The following PIP5K1A variants were observed in gnomAD, a reference collection of about 807,000 sequenced individuals.
The protein encoded by PIP5K1A is phosphatidylinositol 4-phosphate 5-kinase type-1 alpha.
In PIP5K1A, 46 loss-of-function variants were observed where a neutral mutation model predicts 72.9. The ratio of observed to expected loss-of-function variants is 0.63; its 90% CI spans 0.50 to 0.81. PIP5K1A has a LOEUF of 0.81. Ranked by LOEUF, PIP5K1A falls within the 30% of genes least tolerant of loss-of-function variation. The probability of loss-of-function intolerance (pLI) is 0.00; values close to 1 mark genes in which losing one functional copy is unlikely to be tolerated. For synonymous variants in PIP5K1A, 228 were observed against 255.1 expected (o/e 0.89, Z 1.01); for missense variants, 458 against 706.1 (o/e 0.65, Z 3.98).
chr1:151,234,133 TG>T, intron 7 of PIP5K1A, 63 bp from the exon 8 acceptor site: 1 of 1,281,060 alleles, frequency 7.8e-7, no homozygotes, highest in Non-Finnish European at 1.1e-6. Context: ...TAACTTTTAC[TG>T]GTGAGTTTCA....
chr1:151,246,901 A>T lies in PIP5K1A; in HGVS notation c.1641-19A>T. On this transcript the variant is annotated intron_variant, in intron 14 of 15. Transcript: ENST00000368888. ...TCTAATTCTTTTTCTCTCTGCTTCC[A>T]TTTTTTTTCTCCTGTTAGTACAACC... 2 of 1,598,446 alleles carry T rather than the reference A, an allele frequency of 1.3e-6. No homozygotes were observed. The highest frequency in any genetic ancestry group is 1.7e-6 in the Non-Finnish European group (2 of 1,166,824).
At chr1:151,199,613 C>CCAA (rs1325733963) in intron 1 of PIP5K1A, among the ~76,000 whole-genome samples, 2 of 86,992 alleles carry the variant, frequency 2.3e-5, no homozygotes, top group Non-Finnish European at 4.9e-5. Flanking sequence ...GACCCTGTCT[C>CCAA]AAAAAAAAAA....
At chr1:151,216,902 T>TTTG (rs1687720910) in intron 1 of PIP5K1A, among the ~76,000 whole-genome samples, 2 of 5,640 alleles carry the variant, frequency 3.5e-4, no homozygotes, top group African/African-American at 1.1e-3. Flanking sequence ...TAGTAAATGT[T>TTTG]TTTTTTTTTT....
intron 1 of PIP5K1A, among the ~76,000 whole-genome samples, chr1:151,214,791 A>G (rs1341795524): frequency 3.3e-5 from 5 of 152,172 alleles, no homozygotes; most frequent in African/African-American, 1.2e-4. Context: ...ATCTTGGCTC[A>G]CTGCAACCTC....
intron 12 of PIP5K1A, among the ~76,000 whole-genome samples, chr1:151,240,555 C>G (rs61817981): frequency 0.022 from 3,360 of 152,326 alleles, 63 homozygotes; most frequent in Non-Finnish European, 0.034. Context: ...TCTAGCTTCT[C>G]TTTCCCTTCT....
Position 151,198,637 on chromosome 1 carries a change from G to A in PIP5K1A, c.-360G>A. ...TAGGAAGGACGGAGAAGGGGCGTTC[G>A]CTCCTTTGGGACTTTTCATGCCTCG... is the stretch of plus-strand genomic sequence containing the variant. On this transcript the variant is annotated 5_prime_UTR_variant, in exon 1 of 16. Coordinates refer to ENST00000368888, the MANE Select transcript of PIP5K1A (RefSeq NM_001135638.2). 3.8e-6 allele frequency: 1 copy of A among 261,232 alleles called. No individual in the cohort carries two copies. The highest frequency in any genetic ancestry group is 7.5e-6 in the Non-Finnish European group (1 of 134,216). The allele number at this position is 261,232 out of a possible 1,614,324, so 16.2% of individuals were successfully genotyped here.
Position 151,227,570 on chromosome 1 carries a change from C to A in PIP5K1A, c.237+170C>A, listed in dbSNP as rs908242213. On this transcript the variant is annotated intron_variant, in intron 4 of 15. Coordinates refer to ENST00000368888, the MANE Select transcript of PIP5K1A (RefSeq NM_001135638.2). ...ATTTATTTCTCAAAGGGTAAATTGT[C>A]TCCTTTTTGTATATGAATGTTTAAA... Among the ~76,000 whole-genome samples the A allele has an allele frequency of 2.0e-5, 3 of 152,192 alleles. No homozygotes were observed. In the East Asian group the frequency reaches 5.8e-4, roughly 29 times the overall value.
At chr1:151,244,679 A>G (rs1692238352) in intron 14 of PIP5K1A, among the ~76,000 whole-genome samples, 1 of 152,128 alleles carries the variant, frequency 6.6e-6, no homozygotes, top group Non-Finnish European at 1.5e-5. Flanking sequence ...ATAAAAATAA[A>G]GTATATGGAG....
chr1:151,230,098 A>G (rs1689824386), intron 4 of PIP5K1A, among the ~76,000 whole-genome samples: 1 of 152,186 alleles, frequency 6.6e-6, no homozygotes, highest in South Asian at 2.1e-4. Flanking sequence ...AAGAAAAAAA[A>G]AACAAAAAAC....
chr1:151,236,336 TGTA>T (rs1420628538), intron 8 of PIP5K1A, among the ~76,000 whole-genome samples: 1 of 151,478 alleles, frequency 6.6e-6, no homozygotes, highest in Non-Finnish European at 1.5e-5. Context: ...ATTAGGCAGG[TGTA>T]GTGGTGTGTG....
intron 1 of PIP5K1A, among the ~76,000 whole-genome samples, chr1:151,219,999 T>C (rs758177480): frequency 1.3e-5 from 2 of 151,726 alleles, no homozygotes; most frequent in Non-Finnish European, 2.9e-5. Flanking sequence ...TGCCTGTCTC[T>C]GTTTCTATTT....
chr1:151,232,060 T>C (rs1038032687), intron 5 of PIP5K1A, among the ~76,000 whole-genome samples, 188 bp from the exon 6 acceptor site: 12 of 152,150 alleles, frequency 7.9e-5, no homozygotes, highest in African/African-American at 2.7e-4. Context: ...TTTCTTCTTC[T>C]TCTTATGTCT....
At chr1:151,200,812 GTATTTATTTATTTATT>G in intron 1 of PIP5K1A, among the ~76,000 whole-genome samples, 1 of 149,452 alleles carries the variant, frequency 6.7e-6, no homozygotes, top group East Asian at 2.0e-4. Flanking sequence ...AAGTGACAGG[GTATTTATTTATTTATT>G]TATTTATTTA....
intron 1 of PIP5K1A, among the ~76,000 whole-genome samples, chr1:151,209,713 AC>A (rs1686513808): frequency 6.6e-6 from 1 of 151,718 alleles, no homozygotes; most frequent in South Asian, 2.1e-4. Context: ...TGCTGGGATT[AC>A]AGGTGTGAGC....
At chr1:151,224,217 C>G (rs746542422) in intron 1 of PIP5K1A, 28 bp from the exon 2 acceptor site, 2 of 1,605,664 alleles carry the variant, frequency 1.2e-6, no homozygotes, top group Admixed American at 3.3e-5. Flanking sequence ...GTGATACACT[C>G]TTATGATTGT....
rs1352560592 is a variant in PIP5K1A, at chr1:151,198,653, T to C, written c.-344T>C. ...GGGGCGTTCGCTCCTTTGGGACTTT[T>C]CATGCCTCGTTTTTTTTTCAGATGT... is the stretch of plus-strand genomic sequence containing the variant. On this transcript the variant is annotated 5_prime_UTR_variant, in exon 1 of 16. Coordinates refer to ENST00000368888, the MANE Select transcript of PIP5K1A (RefSeq NM_001135638.2). 2.3e-5 allele frequency: 7 copies of C among 308,920 alleles called. No homozygotes were observed. Among genetic ancestry groups the C allele is most frequent in the African/African-American group, 6.4e-5 (3 of 46,982 alleles). The allele number at this position is 308,920 out of a possible 1,614,324, so 19.1% of individuals were successfully genotyped here. A position where few individuals can be genotyped will look rare whatever the true frequency, so the allele number is the denominator to read the frequency against.
In PIP5K1A at chr1:151,198,779, G is replaced by T. The variant is rs940208997; in HGVS notation, c.-218G>T. On this transcript the variant is annotated 5_prime_UTR_variant, in exon 1 of 16. Transcript: ENST00000368888. ...GAAAGCGGTTAAACTTGTGGAGGGG[G>T]TGCGGGACGTGAGTTCTTCCCCATG... 74 of 631,984 alleles carry T rather than the reference G, an allele frequency of 1.2e-4. No individual in the cohort carries two copies. Among genetic ancestry groups the T allele is most frequent in the Non-Finnish European group, 2.0e-5 (7 of 353,976 alleles). The allele number at this position is 631,984 out of a possible 1,614,324, so 39.1% of individuals were successfully genotyped here.
At chr1:151,247,752 G>C (rs1174871501) in intron 15 of PIP5K1A, 111 bp from the exon 16 acceptor site, 2 of 850,404 alleles carry the variant, frequency 2.4e-6, no homozygotes, top group Non-Finnish European at 3.8e-6. Context: ...AAATATTTTT[G>C]GTACCTCATA....
chr1:151,246,996 G>A (rs765583039), intron 15 of PIP5K1A, 31 bp downstream of exon 15: 17 of 1,571,972 alleles, frequency 1.1e-5, no homozygotes, highest in Middle Eastern at 1.7e-4. Context: ...GGAGGTGAAC[G>A]TTTTGCAAGG....
Sources: gnomAD v4.1 joint callset for allele counts (sites outside exome capture counted in the v4.1 genomes callset) on GRCh38, gnomAD v4.1.1 for gene constraint, MANE v1.5 for transcripts, NCBI Gene and HGNC (gene_info 2026-07-23, HGNC 2026-07-21) for gene names.